PIK3R1: variants seen among roughly 807,000 people sequenced by gnomAD.
PIK3R1 encodes phosphatidylinositol 3-kinase regulatory subunit alpha.
Under a neutral mutation model 98.0 loss-of-function variants are expected in PIK3R1, and 29 were observed. The ratio of observed to expected loss-of-function variants is 0.30; its 90% CI spans 0.22 to 0.40. The LOEUF is 0.40. Among genes scored for constraint, PIK3R1 ranks in the 10% least tolerant of loss-of-function variants. The pLI is 1.00. For synonymous variants in PIK3R1, 282 were observed against 311.8 expected (o/e 0.90, Z 1.01); for missense variants, 596 against 872.7 (o/e 0.68, Z 3.99).
At chr5:68,219,586 TC>T (rs1392170959) in intron 1 of PIK3R1, among the ~76,000 whole-genome samples, 1 of 152,230 alleles carries the variant, frequency 6.6e-6, no homozygotes, top group Non-Finnish European at 1.5e-5. Context: ...GCCTCCTTTG[TC>T]CTGACCTCTG....
intron 2 of PIK3R1, among the ~76,000 whole-genome samples, chr5:68,254,589 A>G (rs1251775812): frequency 6.6e-6 from 1 of 152,226 alleles, no homozygotes; most frequent in Non-Finnish European, 1.5e-5. Flanking sequence ...CAAGAATTCT[A>G]AAGAGAGGGT....
rs2112194312 is a variant in PIK3R1, at chr5:68,280,527, G to A, written c.635-1G>A. ...CTTTTTTTTTTTTTTTAAACTTGTA[G>A]AAGTACAAAGCTCCGAAGAATATAT... On this transcript the variant is annotated splice_acceptor_variant, in intron 5 of 15. Transcript: ENST00000521381. LOFTEE classifies it high-confidence loss of function. The A allele has an allele frequency of 1.3e-6, 2 of 1,485,024 alleles. No individual in the cohort carries two copies. The highest frequency in any genetic ancestry group is 1.8e-5 in the Admixed American group (1 of 55,844). 92.0% of individuals were successfully genotyped at this position (1,485,024 alleles called of 1,614,324 possible).
intron 1 of PIK3R1, among the ~76,000 whole-genome samples, chr5:68,222,181 A>G (rs1031134287): frequency 1.3e-5 from 2 of 152,218 alleles, no homozygotes; most frequent in African/African-American, 4.8e-5. Context: ...GAGGCATGAT[A>G]GAGTGAATCT....
intron 7 of PIK3R1, among the ~76,000 whole-genome samples, chr5:68,281,942 C>T (rs1331972721): frequency 2.0e-5 from 3 of 152,090 alleles, no homozygotes; most frequent in Admixed American, 1.3e-4. Context: ...ATGGGGCAGC[C>T]TAAGAGAGGC....
chr5:68,279,877 C>T (rs1746754108), intron 5 of PIK3R1, 144 bp downstream of exon 5: 1 of 755,570 alleles, frequency 1.3e-6, no homozygotes, highest in Admixed American at 2.8e-5. Context: ...CTCAAATTTC[C>T]TCCTCCACCC....
At chr5:68,221,421 A>T (rs1399772035) in intron 1 of PIK3R1, among the ~76,000 whole-genome samples, 2 of 152,236 alleles carry the variant, frequency 1.3e-5, no homozygotes, top group Non-Finnish European at 1.5e-5. Context: ...GATGGACTGT[A>T]GAGAGATATG....
At chr5:68,227,110 CCTTG>C in intron 2 of PIK3R1, 101 bp downstream of exon 2, 1 of 992,562 alleles carries the variant, frequency 1.0e-6, no homozygotes, top group Non-Finnish European at 1.5e-6. Flanking sequence ...GCAGAAGTTA[CCTTG>C]GCAACTGCAC....
At chr5:68,280,129 A>C (rs1746765011) in intron 5 of PIK3R1, 1 of 299,914 alleles carries the variant, frequency 3.3e-6, no homozygotes, top group Non-Finnish European at 6.2e-6. Context: ...GATGGCTCTC[A>C]GTTTTAGGAG....
At chr5:68,234,975 T>C (rs986976114) in intron 2 of PIK3R1, among the ~76,000 whole-genome samples, 1 of 152,210 alleles carries the variant, frequency 6.6e-6, no homozygotes, top group Non-Finnish European at 1.5e-5. Context: ...TACTGGTTTT[T>C]GGTAAAATGC....
chr5:68,243,693 G>A (rs1744954015), intron 2 of PIK3R1, among the ~76,000 whole-genome samples: 2 of 152,296 alleles, frequency 1.3e-5, no homozygotes, highest in South Asian at 2.1e-4. Flanking sequence ...ATCAAGACTA[G>A]CTCCCAGCCC....
intron 2 of PIK3R1, among the ~76,000 whole-genome samples, chr5:68,247,585 T>G (rs1745148618): frequency 6.6e-6 from 1 of 151,766 alleles, no homozygotes; most frequent in African/African-American, 2.4e-5. Flanking sequence ...GCCTTTTTTT[T>G]TTTTTTTTCT....
chr5:68,293,939 G>A (rs1747545392), intron 11 of PIK3R1, 105 bp downstream of exon 11: 1 of 851,218 alleles, frequency 1.2e-6, no homozygotes, highest in Non-Finnish European at 1.8e-6. Context: ...AATGAGGTGG[G>A]GGTGAGAGCA....
Sources: gnomAD v4.1 joint callset for allele counts (sites outside exome capture counted in the v4.1 genomes callset) on GRCh38, gnomAD v4.1.1 for gene constraint, MANE v1.5 for transcripts, NCBI Gene and HGNC (gene_info 2026-07-23, HGNC 2026-07-21) for gene names.